The following RASSF2 variants were observed in gnomAD, a reference collection of about 807,000 sequenced individuals.
The protein encoded by RASSF2 is Ras association domain family member 2, also known as ras association domain-containing protein 2.
In RASSF2, 34 loss-of-function variants were observed where a neutral mutation model predicts 46.3. That is an observed-to-expected ratio of 0.73 (90% CI 0.56 to 0.98). RASSF2 has a LOEUF of 0.98. Among genes scored for constraint, RASSF2 ranks in the 50% least tolerant of loss-of-function variants. The probability of loss-of-function intolerance (pLI) is 0.00; values close to 1 mark genes in which losing one functional copy is unlikely to be tolerated. For synonymous variants in RASSF2, 158 were observed against 162.5 expected (o/e 0.97, Z 0.21); for missense variants, 364 against 431.2 (o/e 0.84, Z 1.38).
At position 4,787,656 on chromosome 20, in the gene RASSF2, G is replaced by T. The variant is rs1456159186; in HGVS notation, c.790C>A (p.Gln264Lys). Reference protein sequence around the residue: ...ISKVFLMEKDQVEEVTYDVAQ... With the variant: ...ISKVFLMEKDKVEEVTYDVAQ... ...ACGTCGTAGGTGACTTCCTCCACCTGGTCCTTCTCCATTAGGAACACTTTG... is the reference window on the plus strand; with the variant it reads ...ACGTCGTAGGTGACTTCCTCCACCTTGTCCTTCTCCATTAGGAACACTTTG... The change falls in exon 10 of 12, where the codon CAG becomes AAG. Residue 264 changes from glutamine (Q) to lysine (K), a missense_variant. Coordinates refer to ENST00000379400, the MANE Select transcript of RASSF2 (RefSeq NM_014737.3). 6.2e-7 allele frequency: 1 copy of T among 1,614,128 alleles called. No individual in the cohort carries two copies.
intron 2 of RASSF2, among the ~76,000 whole-genome samples, chr20:4,818,077 GC>G (rs1404619576): frequency 6.6e-6 from 1 of 152,054 alleles, no homozygotes; most frequent in Non-Finnish European, 1.5e-5. Flanking sequence ...GACCAGCCTG[GC>G]CAACATGGTG....
At chr20:4,820,919 C>T (rs901361527) in intron 2 of RASSF2, among the ~76,000 whole-genome samples, 1 of 152,082 alleles carries the variant, frequency 6.6e-6, no homozygotes, top group African/African-American at 2.4e-5. Flanking sequence ...GCCAAAATAT[C>T]CTAAAGAGGA....
At chr20:4,802,882 G>GTATATATA (rs139381564) in intron 2 of RASSF2, among the ~76,000 whole-genome samples, 19 of 134,526 alleles carry the variant, frequency 1.4e-4, no homozygotes, top group African/African-American at 3.9e-4. Context: ...ATGTGTGTGT[G>GTATATATA]TATATATATA....
chr20:4,813,280 G>A (rs1043397118), intron 2 of RASSF2, among the ~76,000 whole-genome samples: 3 of 152,240 alleles, frequency 2.0e-5, no homozygotes, highest in South Asian at 2.1e-4. Flanking sequence ...ACACAGCAAG[G>A]GCCATGCTGG....
intron 2 of RASSF2, among the ~76,000 whole-genome samples, chr20:4,819,358 C>G (rs1928544544): frequency 6.6e-6 from 1 of 152,096 alleles, no homozygotes; most frequent in Admixed American, 6.5e-5. Context: ...AATTCAAGTT[C>G]AAGTACAAAG....
intron 6 of RASSF2, 123 bp downstream of exon 6, chr20:4,792,416 C>G: frequency 6.5e-7 from 1 of 1,537,644 alleles, no homozygotes; most frequent in Non-Finnish European, 8.8e-7. Context: ...TTAATTCTCT[C>G]CCTTTGTATC....
In RASSF2 at chr20:4,780,994, A is replaced by G; in HGVS notation, c.*3279T>C. 1 of 150,804 alleles carries G rather than the reference A, an allele frequency of 6.6e-6. No homozygotes were observed. The allele number at this position is 150,804 out of a possible 1,614,324, so 9.3% of individuals were successfully genotyped here. A position where few individuals can be genotyped will look rare whatever the true frequency, so the allele number is the denominator to read the frequency against. ...AAAAAAAAAAAAAAGAAAGAAAGAA[A>G]CCTCTCTCGGCGATGTATCTGTGAC... On this transcript the variant is annotated 3_prime_UTR_variant, in exon 12 of 12. Transcript: ENST00000379400.
At position 4,790,576 on chromosome 20, in the gene RASSF2, G is replaced by A. The variant is rs1446906534; in HGVS notation, c.412C>T (p.Pro138Ser). Residue 138 changes from proline (P) to serine (S), a missense_variant, in exon 7 of 12, where the codon CCA becomes TCA. Transcript: ENST00000379400. This position sits in a 1 kb window ranked among gnomAD's most constrained non-coding sequence, Gnocchi z 4.3. ...TCACTGCGTGTGCGCATCAGCTGTG[G>A]GGTGTCCTCCTGCAGGGGCTTCAGG... ...RGLKPLQEDTPQLMRTRSDVG... is the reference protein window; with the variant it reads ...RGLKPLQEDTSQLMRTRSDVG... 1 of 1,533,998 alleles carries A rather than the reference G, an allele frequency of 6.5e-7. No homozygotes were observed. Among genetic ancestry groups the A allele is most frequent in the Non-Finnish European group, 8.7e-7 (1 of 1,150,300 alleles).
rs2122433365 is a variant in RASSF2 at position 4,787,770 on chromosome 20, C to A, written c.692-16G>T. 1 of 1,614,154 alleles carries A rather than the reference C, an allele frequency of 6.2e-7. No homozygotes were observed. The highest frequency in any genetic ancestry group is 1.1e-5 in the South Asian group (1 of 91,084). On this transcript the variant is annotated splice_polypyrimidine_tract_variant and intron_variant, in intron 9 of 11. Transcript: ENST00000379400. ...TTCTGTTTCTCTGCAACCACACACACCCAGGAGCAGCCCTGAGAGGCCTTT... is the reference window on the plus strand; with the variant it reads ...TTCTGTTTCTCTGCAACCACACACAACCAGGAGCAGCCCTGAGAGGCCTTT...
chr20:4,800,773 C>T (rs914852894), intron 3 of RASSF2, among the ~76,000 whole-genome samples, 199 bp downstream of exon 3: 3 of 152,034 alleles, frequency 2.0e-5, no homozygotes, highest in African/African-American at 7.2e-5. Context: ...GCCAGGCTCT[C>T]GGGACATGTT....
At chr20:4,788,068 C>T (rs1925524375) in intron 9 of RASSF2, 149 bp downstream of exon 9, 1 of 771,148 alleles carries the variant, frequency 1.3e-6, no homozygotes, top group Non-Finnish European at 2.2e-6. Flanking sequence ...CTAGTAGACT[C>T]ATACAGCAAG....
At chr20:4,805,975 CAGGCCTG>C (rs1041930731) in intron 2 of RASSF2, among the ~76,000 whole-genome samples, 13 of 152,170 alleles carry the variant, frequency 8.5e-5, no homozygotes, top group Admixed American at 8.5e-4. Flanking sequence ...AGAAGTACAG[CAGGCCTG>C]GGGCCCAGGA....
chr20:4,800,968 T>C lies in RASSF2; in HGVS notation c.59+4A>G, dbSNP rs80300295. ...GGACAAAACACTCCAGCAAAACGTC[T>C]TACTTGGAAATGTATTTATCTTGTC... On this transcript the variant is annotated splice_donor_region_variant and intron_variant, in intron 3 of 11. Transcript: ENST00000379400. The C allele has an allele frequency of 2.3e-4, 368 of 1,609,244 alleles. No homozygotes were observed. In the African/African-American group the frequency reaches 4.7e-3, roughly 20 times the overall value.
At chr20:4,784,897 C>T (rs912449124) in intron 11 of RASSF2, among the ~76,000 whole-genome samples, 6 of 152,178 alleles carry the variant, frequency 3.9e-5, no homozygotes, top group Admixed American at 6.5e-5. Context: ...TGTTTTCCCA[C>T]GACTTCCCTG....
chr20:4,787,196 C>T (rs1302829112), intron 10 of RASSF2, among the ~76,000 whole-genome samples: 1 of 152,174 alleles, frequency 6.6e-6, no homozygotes, highest in Middle Eastern at 3.2e-3. Context: ...TGGCTTTGGC[C>T]AGTGGAATGT....
intron 2 of RASSF2, among the ~76,000 whole-genome samples, chr20:4,813,637 C>T (rs1057121803): frequency 7.9e-5 from 12 of 152,182 alleles, no homozygotes; most frequent in African/African-American, 4.8e-5. Context: ...AAATTCAGAG[C>T]GCTTAGCCAC....
At position 4,798,229 on chromosome 20, in the gene RASSF2, C is replaced by A. The variant is rs139451221; in HGVS notation, c.60-144G>T. The A allele has an allele frequency of 6.0e-6, 8 of 1,341,594 alleles. No homozygotes were observed. In the East Asian group the frequency reaches 1.7e-4, roughly 28 times the overall value. The allele number at this position is 1,341,594 out of a possible 1,614,324, so 83.1% of individuals were successfully genotyped here. ...CCACATGTACATACACACACATGCA[C>A]ATGCACACAGAGTTCTGCCACCACC... is the stretch of plus-strand genomic sequence containing the variant. On this transcript the variant is annotated intron_variant, in intron 3 of 11. Coordinates refer to ENST00000379400, the MANE Select transcript of RASSF2 (RefSeq NM_014737.3).
At chr20:4,802,914 A>ATATT (rs201370394) in intron 2 of RASSF2, among the ~76,000 whole-genome samples, 17 of 95,578 alleles carry the variant, frequency 1.8e-4, no homozygotes, top group East Asian at 1.3e-3. Context: ...ATATATATAT[A>ATATT]TTTTTTTTTT....
In RASSF2 at chr20:4,795,612, T is replaced by C. The variant is rs1241547845; in HGVS notation, c.287+203A>G. On this transcript the variant is annotated intron_variant, in intron 5 of 11. Coordinates refer to ENST00000379400, the MANE Select transcript of RASSF2 (RefSeq NM_014737.3). The surrounding 1 kb of genome is among the most constrained non-coding windows in gnomAD (Gnocchi z 4.0). ...CCCCTCCTGTGACCTCATCAGTGAT[T>C]GCAGTGACAGGAAGGGGGCTCAATC... The C allele has an allele frequency of 5.6e-6, 3 of 531,008 alleles. No individual in the cohort carries two copies. The highest frequency in any genetic ancestry group is 4.0e-5 in the African/African-American group (2 of 50,410). The allele number at this position is 531,008 out of a possible 1,614,324, so 32.9% of individuals were successfully genotyped here.
Sources: gnomAD v4.1 joint callset for allele counts (sites outside exome capture counted in the v4.1 genomes callset) on GRCh38, gnomAD v4.1.1 for gene constraint, Gnocchi (gnomAD v3.1) non-coding constraint, MANE v1.5 for transcripts, NCBI Gene and HGNC (gene_info 2026-07-23, HGNC 2026-07-21) for gene names.